The following TTLL4 variants were observed in gnomAD, a reference collection of about 807,000 sequenced individuals.
TTLL4 encodes tubulin monoglutamylase TTLL4.
In TTLL4, 85 loss-of-function variants were observed where a neutral mutation model predicts 122.7. The observed-to-expected ratio is 0.69, with a 90% CI of 0.58 to 0.83. TTLL4 has a LOEUF of 0.83. Ranked by LOEUF, TTLL4 falls within the 40% of genes least tolerant of loss-of-function variation. The pLI, the probability that TTLL4 is intolerant of heterozygous loss-of-function variation, is 0.00. For missense variants in TTLL4, 1,363 were observed against 1,488.6 expected (o/e 0.92, Z 1.39); for synonymous variants, 553 against 563.0 (o/e 0.98, Z 0.25).
In TTLL4 at chr2:218,754,503, C is replaced by A; in HGVS notation, c.*114C>A. ...CTACCCCTTTCACCCTGTCCCTCCT[C>A]AGAGTATTTTTTGAAGTGGTTGCAT... On this transcript the variant is annotated 3_prime_UTR_variant, in exon 20 of 20. Coordinates refer to ENST00000392102, the MANE Select transcript of TTLL4 (RefSeq NM_014640.5). 1 of 1,406,282 alleles carries A rather than the reference C, an allele frequency of 7.1e-7. No individual in the cohort carries two copies. The highest frequency in any genetic ancestry group is 2.3e-5 in the East Asian group (1 of 43,388). The allele number at this position is 1,406,282 out of a possible 1,614,324, so 87.1% of individuals were successfully genotyped here. A position where few individuals can be genotyped will look rare whatever the true frequency, so the allele number is the denominator to read the frequency against.
At chr2:218,735,995 G>T (rs1294196425) in intron 2 of TTLL4, among the ~76,000 whole-genome samples, 6 of 104,816 alleles carry the variant, frequency 5.7e-5, no homozygotes, top group Admixed American at 3.5e-4. Flanking sequence ...TTTTTTGTGA[G>T]ACAGGGTCTC....
At chr2:218,758,734 A>G (rs1575189721), downstream of TTLL4, among the ~76,000 whole-genome samples, 2 of 152,242 alleles carry the variant, frequency 1.3e-5, no homozygotes, top group East Asian at 3.8e-4. Flanking sequence ...GAAGGTGCTG[A>G]TGGGAATGCA....
intron 15 of TTLL4, 29 bp downstream of exon 15, chr2:218,750,175 C>A: frequency 6.2e-7 from 1 of 1,609,814 alleles, no homozygotes; most frequent in Admixed American, 1.7e-5. Context: ...CACAGCTCTG[C>A]TGGCAGCATG....
At chr2:218,746,045 C>A in intron 7 of TTLL4, 110 bp from the exon 8 acceptor site, 2 of 1,322,726 alleles carry the variant, frequency 1.5e-6, no homozygotes, top group Non-Finnish European at 2.2e-6. Context: ...TCCATAGCAA[C>A]TCTTTGAAAA....
At chr2:218,717,333 G>C (rs1941892254) in intron 1 of TTLL4, among the ~76,000 whole-genome samples, 1 of 152,092 alleles carries the variant, frequency 6.6e-6, no homozygotes, top group Non-Finnish European at 1.5e-5. Context: ...GGTCCCCTCA[G>C]GGTCTGTGGA....
intron 2 of TTLL4, among the ~76,000 whole-genome samples, chr2:218,733,803 G>A (rs527742963): frequency 4.6e-5 from 7 of 152,324 alleles, no homozygotes; most frequent in African/African-American, 1.7e-4. Flanking sequence ...GGCTATTTGT[G>A]TTCATGTGCT....
At position 218,740,558 on chromosome 2, in the gene TTLL4, C is replaced by G; in HGVS notation, c.1635C>G (p.Pro545=). The stretch of plus-strand genomic sequence containing the variant: ...GCTCCTCATTAAGTGCTGTCTCCCC[C>G]AGCGAATCGGTGGCCATGATCTCTA... ...SECSSLSAVS[P]SESVAMISRS... The change falls in exon 5 of 20, where the codon CCC becomes CCG. Residue 545 remains proline, a synonymous_variant. Coordinates refer to ENST00000392102, the MANE Select transcript of TTLL4 (RefSeq NM_014640.5). The G allele has an allele frequency of 6.2e-7, 1 of 1,614,178 alleles. No homozygotes were observed.
At chr2:218,736,676 T>G (rs1053036913) in intron 2 of TTLL4, among the ~76,000 whole-genome samples, 1 of 152,180 alleles carries the variant, frequency 6.6e-6, no homozygotes, top group Non-Finnish European at 1.5e-5. Flanking sequence ...TAAATCTGTA[T>G]AGTTAGCAGA....
intron 8 of TTLL4, chr2:218,746,492 A>G (rs1942846814): frequency 1.9e-6 from 1 of 516,474 alleles, no homozygotes. Flanking sequence ...CTCCAACCTC[A>G]TAGGAGGGTG....
At chr2:218,745,542 G>GT in intron 6 of TTLL4, 149 bp from the exon 7 acceptor site, 2 of 660,886 alleles carry the variant, frequency 3.0e-6, no homozygotes, top group Non-Finnish European at 5.4e-6. Flanking sequence ...TTCCCAAAGT[G>GT]TGCTCCTCTG....
rs143615229 is a variant in TTLL4, at chr2:218,716,555, C to T, written c.-178+5518C>T. On this transcript the variant is annotated intron_variant, in intron 1 of 19. Transcript: ENST00000392102. Reference sequence around the variant, plus strand: ...CTGTAATCCCAGCACTTTGGGAGGCCGAGGCGGGCAGATCACAAGGTCAGG... The same window carrying T: ...CTGTAATCCCAGCACTTTGGGAGGCTGAGGCGGGCAGATCACAAGGTCAGG... 1.7e-3 allele frequency among the ~76,000 whole-genome samples: 264 copies of T among 152,254 alleles called. 2 individuals are homozygous for T. The East Asian group carries it at 0.018, about 10-fold the overall frequency.
chr2:218,739,241 C>T (rs1575174071), intron 3 of TTLL4, 78 bp downstream of exon 3: 1 of 1,485,326 alleles, frequency 6.7e-7, no homozygotes, highest in East Asian at 2.3e-5. Flanking sequence ...CGACCCTGTA[C>T]CTCTGAAGGT....
At chr2:218,729,850 G>C (rs149631272) in intron 2 of TTLL4, among the ~76,000 whole-genome samples, 2 of 150,860 alleles carry the variant, frequency 1.3e-5, no homozygotes, top group Admixed American at 6.6e-5. Context: ...CGACCTCCCA[G>C]GCTCAAGTGA....
Position 218,747,666 on chromosome 2 carries a change from C to T in TTLL4, c.2319C>T (p.Ser773=), listed in dbSNP as rs989535548. The T allele has an allele frequency of 1.9e-6, 3 of 1,614,222 alleles. No individual in the cohort carries two copies. The highest frequency in any genetic ancestry group is 2.5e-6 in the Non-Finnish European group (3 of 1,180,042). ...FDLRIYVYVT[S]YDPLRIYLFS... ...TGCGGATCTATGTTTATGTCACTTC[C>T]TACGATCCTCTGCGGATTTACCTCT... The change falls in exon 11 of 20, where the codon TCC becomes TCT. Residue 773 remains serine, a synonymous_variant. Transcript: ENST00000392102. This position sits in a 1 kb window ranked among gnomAD's most constrained non-coding sequence, Gnocchi z 4.7.
intron 2 of TTLL4, among the ~76,000 whole-genome samples, chr2:218,730,378 C>T (rs796375631): frequency 1.4e-5 from 2 of 143,094 alleles, no homozygotes; most frequent in East Asian, 2.2e-4. Context: ...TGTGGTGGCG[C>T]GTGCCTGTAG....
intron 19 of TTLL4, 31 bp downstream of exon 19, chr2:218,753,700 C>T: frequency 6.2e-7 from 1 of 1,609,764 alleles, no homozygotes; most frequent in Non-Finnish European, 8.5e-7. Flanking sequence ...GGAGGGGCTG[C>T]TGGCTGTGAG....
intron 15 of TTLL4, among the ~76,000 whole-genome samples, chr2:218,750,496 C>CACT (rs1942986921): frequency 1.3e-5 from 2 of 151,930 alleles, no homozygotes; most frequent in African/African-American, 4.8e-5. Context: ...TGTGAATAGC[C>CACT]ACTGTACTCT....
rs750958257 is a variant in TTLL4, at chr2:218,752,902, T to C, written c.3116T>C (p.Phe1039Ser). Residue 1039 changes from phenylalanine to serine, a missense_variant, in exon 17 of 20, where the codon TTT (phenylalanine) becomes TCT (serine). By Grantham distance (155) the Phe-to-Ser change is radical. Around this residue, in one of 3 missense-constraint regions of TTLL4, gnomAD observed 596 missense variants for 655.8 expected, o/e 0.91. Transcript: ENST00000392102. ...ATCTCCTCTCGCTATCTCCGCTTTT[T>C]TGAGCAGCCACGATATTTCAACATT... is the stretch of plus-strand genomic sequence containing the variant. ...SHISSRYLRF[F>S]EQPRYFNILT... 3.7e-6 allele frequency: 6 copies of C among 1,614,182 alleles called. No individual in the cohort carries two copies. Among genetic ancestry groups the C allele is most frequent in the Non-Finnish European group, 5.1e-6 (6 of 1,180,040 alleles).
At chr2:218,714,858 C>G (rs1246394145) in intron 1 of TTLL4, among the ~76,000 whole-genome samples, 2 of 152,156 alleles carry the variant, frequency 1.3e-5, no homozygotes, top group Non-Finnish European at 2.9e-5. Flanking sequence ...GTCCTCCCGC[C>G]TCAACCTCCC....
Sources: gnomAD v4.1 joint callset for allele counts (sites outside exome capture counted in the v4.1 genomes callset) on GRCh38, gnomAD v4.1.1 for gene constraint, gnomAD v4.1.1 regional missense constraint, Gnocchi (gnomAD v3.1) non-coding constraint, MANE v1.5 for transcripts, NCBI Gene and HGNC (gene_info 2026-07-23, HGNC 2026-07-21) for gene names.